Variants in ANPEP observed in about 807,000 individuals in gnomAD.
ANPEP encodes the protein alanyl aminopeptidase, membrane, also known as aminopeptidase N.
ANPEP carries 70 observed loss-of-function variants against 114.6 expected under a neutral mutation model. The observed-to-expected ratio is 0.61, with a 90% CI of 0.50 to 0.75. ANPEP has a LOEUF of 0.75. ANPEP is among the 30% of genes least tolerant of loss of function. The probability of loss-of-function intolerance (pLI) is 0.00; values close to 1 mark genes in which losing one functional copy is unlikely to be tolerated. For missense variants in ANPEP, 1,184 were observed against 1,259.5 expected (o/e 0.94, Z 0.91); for synonymous variants, 548 against 522.3 (o/e 1.05, Z -0.67).
chr15:89,801,308 T>C (rs1324506588), intron 11 of ANPEP, 121 bp from the exon 12 acceptor site: 1 of 1,542,778 alleles, frequency 6.5e-7, no homozygotes, highest in Non-Finnish European at 8.9e-7. Flanking sequence ...AACTCCTGGC[T>C]CTGGAGGGAG....
chr15:89,793,566 G>A (rs963995352), intron 15 of ANPEP, among the ~76,000 whole-genome samples: 1 of 151,966 alleles, frequency 6.6e-6, no homozygotes, highest in African/African-American at 2.4e-5. Context: ...AGCCGAGTGT[G>A]GTGGTGCACA....
intron 1 of ANPEP, among the ~76,000 whole-genome samples, chr15:89,810,570 T>C (rs1214366820): frequency 1.3e-5 from 2 of 151,034 alleles, no homozygotes; most frequent in East Asian, 3.9e-4. Context: ...CGAGACTCTG[T>C]TTCAAAAAAG....
In ANPEP at chr15:89,800,995, C is replaced by G; in HGVS notation, c.1819+116G>C. ...AGCAGCAGCAAAGTGGAGATTGGAA[C>G]CAAAGAAGTCAAGTCCATTTGTTGA... On this transcript the variant is annotated intron_variant, in intron 12 of 20. Coordinates refer to ENST00000300060, the MANE Select transcript of ANPEP (RefSeq NM_001150.3). 4.5e-6 allele frequency: 4 copies of G among 882,990 alleles called. No individual in the cohort carries two copies. The South Asian group carries it at 6.2e-5, about 14-fold the overall frequency. 54.7% of individuals were successfully genotyped at this position (882,990 alleles called of 1,614,324 possible). A position where few individuals can be genotyped will look rare whatever the true frequency, so the allele number is the denominator to read the frequency against.
chr15:89,797,409 G>C (rs1968749356), intron 15 of ANPEP, 166 bp downstream of exon 15: 1 of 1,052,946 alleles, frequency 9.5e-7, no homozygotes, highest in Non-Finnish European at 1.3e-6. Context: ...CGTGCTCTCA[G>C]GAGAGAACCT....
intron 14 of ANPEP, among the ~76,000 whole-genome samples, chr15:89,798,129 A>T (rs1468076195): frequency 1.3e-5 from 2 of 152,244 alleles, no homozygotes; most frequent in African/African-American, 4.8e-5. Flanking sequence ...TGGGCACTCT[A>T]GGCCTTTCTT....
In ANPEP at chr15:89,806,371, C is replaced by T; in HGVS notation, c.213G>A (p.Trp71Ter). 1 of 1,614,060 alleles carries T rather than the reference C, an allele frequency of 6.2e-7. No individual in the cohort carries two copies. Among genetic ancestry groups the T allele is most frequent in the Non-Finnish European group, 8.5e-7 (1 of 1,179,966 alleles). Residue 71 changes from tryptophan (W) to a stop codon, truncating the protein, a stop_gained, in exon 2 of 21, where the codon TGG becomes TGA. Transcript: ENST00000300060. LOFTEE classifies it high-confidence loss of function. The surrounding 1 kb of genome is among the most constrained non-coding windows in gnomAD (Gnocchi z 5.7). The stretch of plus-strand genomic sequence containing the variant: ...GCGTGTTGGGGAGGCGGTAACGATT[C>T]CACGCTTTACTTTGGTCCAAGGTGG... ...SATTLDQSKA[W>*]NRYRLPNTLK... is the part of the protein sequence containing the mutation.
Position 89,804,627 on chromosome 15 carries a change from G to A in ANPEP, c.898-10C>T, listed in dbSNP as rs1293923251. 2.5e-6 allele frequency: 4 copies of A among 1,612,860 alleles called. No individual in the cohort carries two copies. The highest frequency in any genetic ancestry group is 1.1e-5 in the South Asian group (1 of 90,964). Reference sequence around the variant, plus strand: ...GGGCCCAGATCCGGATCTGCAAGGTGTGAGGAAGAAGCAGACCAGGGGCTC... The same window carrying A: ...GGGCCCAGATCCGGATCTGCAAGGTATGAGGAAGAAGCAGACCAGGGGCTC... On this transcript the variant is annotated splice_polypyrimidine_tract_variant and intron_variant, in intron 4 of 20. Transcript: ENST00000300060.
chr15:89,804,944 G>T (rs1894677961), intron 4 of ANPEP, 134 bp downstream of exon 4: 1 of 1,270,172 alleles, frequency 7.9e-7, no homozygotes, highest in Non-Finnish European at 1.1e-6. Flanking sequence ...CAAGACACTT[G>T]CCTGAAATCA....
At position 89,804,381 on chromosome 15, in the gene ANPEP, C is replaced by T. The variant is rs367926309; in HGVS notation, c.1051G>A (p.Ala351Thr). 7.4e-6 allele frequency: 12 copies of T among 1,614,104 alleles called. No homozygotes were observed. The highest frequency in any genetic ancestry group is 1.7e-5 in the Admixed American group (1 of 60,006). The change falls in exon 6 of 21, where the codon GCC (alanine) becomes ACC (threonine). Residue 351 changes from alanine to threonine, a missense_variant. By Grantham distance (58) the Ala-to-Thr change is moderately conservative. Coordinates refer to ENST00000300060, the MANE Select transcript of ANPEP (RefSeq NM_001150.3). ...SDQIGLPDFN[A>T]GAMENWGLVT... ...AGTCCCCAGTTCTCCATGGCGCCGG[C>T]GTTGAAGTCTGGCAGGCCAATCTGG...
At chr15:89,798,376 C>A (rs909783634) in intron 14 of ANPEP, among the ~76,000 whole-genome samples, 4 of 152,210 alleles carry the variant, frequency 2.6e-5, no homozygotes, top group Non-Finnish European at 4.4e-5. Flanking sequence ...GTGGCTCACA[C>A]CTATAATCCC....
chr15:89,811,079 G>T (rs372109917), intron 1 of ANPEP, among the ~76,000 whole-genome samples: 1 of 152,204 alleles, frequency 6.6e-6, no homozygotes, highest in Non-Finnish European at 1.5e-5. Flanking sequence ...AGGGCAACAC[G>T]TGCTTGTGGA....
rs1894629655 is a variant in ANPEP at position 89,803,156 on chromosome 15, T to G, written c.1569+83A>C. ...GTCAGCCGCGGAGCTGGACCCATTC[T>G]CTTACGCATGTGCTGCCCCCAGGTA... On this transcript the variant is annotated intron_variant, in intron 10 of 20. Transcript: ENST00000300060. This position sits in a 1 kb window ranked among gnomAD's most constrained non-coding sequence, Gnocchi z 4.2. 2 of 1,476,508 alleles carry G rather than the reference T, an allele frequency of 1.4e-6. No individual in the cohort carries two copies. Among genetic ancestry groups the G allele is most frequent in the Non-Finnish European group, 1.9e-6 (2 of 1,055,670 alleles). 91.5% of individuals were successfully genotyped at this position (1,476,508 alleles called of 1,614,324 possible).
intron 20 of ANPEP, among the ~76,000 whole-genome samples, chr15:89,790,187 A>T (rs544268524): frequency 2.0e-5 from 3 of 152,378 alleles, no homozygotes; most frequent in Admixed American, 6.5e-5. Flanking sequence ...AGTACTGGCA[A>T]AATGTTGATA....
At position 89,790,536 on chromosome 15, in the gene ANPEP, C is replaced by T; in HGVS notation, c.2675G>A (p.Gly892Asp). 5.0e-6 allele frequency: 8 copies of T among 1,613,802 alleles called. No homozygotes were observed. Among genetic ancestry groups the T allele is most frequent in the Non-Finnish European group, 6.8e-6 (8 of 1,179,802 alleles). Reference protein sequence around the residue: ...SNWKKLFNDYGGGSFSFSNLI... With the variant: ...SNWKKLFNDYDGGSFSFSNLI... ...GTTGGAGAAGGAGAACGAGCCACCACCATAACTGCAGGGAGGGAGAGAGGT... is the reference window on the plus strand; with the variant it reads ...GTTGGAGAAGGAGAACGAGCCACCATCATAACTGCAGGGAGGGAGAGAGGT... Residue 892 changes from glycine to aspartate, a missense_variant, in exon 20 of 21, where the codon GGT (glycine) becomes GAT (aspartate). By Grantham distance (94) the Gly-to-Asp change is moderately conservative. Transcript: ENST00000300060.
chr15:89,804,929 G>GAGAACCAC (rs1894677746), intron 4 of ANPEP, 149 bp downstream of exon 4: 1 of 1,171,398 alleles, frequency 8.5e-7, no homozygotes, highest in Admixed American at 2.4e-5. Flanking sequence ...TGGAGAACCA[G>GAGAACCAC]AGAACAAGAC....
At position 89,806,676 on chromosome 15, in the gene ANPEP, C is replaced by G; in HGVS notation, c.-93G>C. The G allele has an allele frequency of 6.9e-7, 1 of 1,450,216 alleles. No individual in the cohort carries two copies. The highest frequency in any genetic ancestry group is 1.5e-5 in the South Asian group (1 of 67,836). 89.8% of individuals were successfully genotyped at this position (1,450,216 alleles called of 1,614,324 possible). ...CTTATATCCCCAAAGGGGAGGAGCC[C>G]CACAACAGGCAGACTGGGCAAAAAT... On this transcript the variant is annotated 5_prime_UTR_variant, in exon 2 of 21. Transcript: ENST00000300060. The surrounding 1 kb of genome is among the most constrained non-coding windows in gnomAD (Gnocchi z 5.7).
chr15:89,811,041 G>A (rs1894806896), intron 1 of ANPEP, among the ~76,000 whole-genome samples: 3 of 152,184 alleles, frequency 2.0e-5, no homozygotes, highest in Non-Finnish European at 2.9e-5. Context: ...CAGGTGTGCC[G>A]TATCCTCTAC....
At chr15:89,809,289 C>A (rs1045625297) in intron 1 of ANPEP, among the ~76,000 whole-genome samples, 7 of 152,230 alleles carry the variant, frequency 4.6e-5, no homozygotes, top group Non-Finnish European at 8.8e-5. Flanking sequence ...AGCCTGCAGC[C>A]CCCTCCCACC....
At position 89,801,091 on chromosome 15, in the gene ANPEP, A is replaced by G. The variant is rs1331866279; in HGVS notation, c.1819+20T>C. ...GAGTATGGGGTGGGGGCTGCTGCCC[A>G]TAAGGCAGGGCTGGATTACCTCTTA... is the stretch of plus-strand genomic sequence containing the variant. On this transcript the variant is annotated intron_variant, in intron 12 of 20. Transcript: ENST00000300060. 1 of 1,611,800 alleles carries G rather than the reference A, an allele frequency of 6.2e-7. No individual in the cohort carries two copies. The highest frequency in any genetic ancestry group is 8.5e-7 in the Non-Finnish European group (1 of 1,178,070).
Sources: gnomAD v4.1 joint callset for allele counts (sites outside exome capture counted in the v4.1 genomes callset) on GRCh38, gnomAD v4.1.1 for gene constraint, Gnocchi (gnomAD v3.1) non-coding constraint, MANE v1.5 for transcripts, NCBI Gene and HGNC (gene_info 2026-07-23, HGNC 2026-07-21) for gene names.